TBX20: variants seen among roughly 807,000 people sequenced by gnomAD.
The protein encoded by TBX20 is T-box transcription factor 20, also known as T-box transcription factor TBX20.
Under a neutral mutation model 42.9 loss-of-function variants are expected in TBX20, and 8 were observed. That is an observed-to-expected ratio of 0.19 (90% CI 0.11 to 0.34). The LOEUF (loss-of-function observed/expected upper bound fraction) is 0.34. TBX20 is among the 10% of genes least tolerant of loss of function. The probability of loss-of-function intolerance (pLI) is 1.00; values close to 1 mark genes in which losing one functional copy is unlikely to be tolerated. For missense variants in TBX20, 411 were observed against 566.0 expected, an observed-to-expected ratio of 0.73 and a Z score of 2.78; for synonymous variants, 198 against 222.8, an observed-to-expected ratio of 0.89 and a Z score of 0.99.
In TBX20 at chr7:35,254,002, G is replaced by C. The variant is rs528352186; in HGVS notation, c.-382C>G. 1.2e-5 allele frequency: 2 copies of C among 173,086 alleles called. No homozygotes were observed. Among genetic ancestry groups the C allele is most frequent in the South Asian group, 1.5e-4 (1 of 6,624 alleles). 10.7% of individuals were successfully genotyped at this position (173,086 alleles called of 1,614,324 possible). On this transcript the variant is annotated 5_prime_UTR_variant, in exon 1 of 8. Coordinates refer to ENST00000408931, the MANE Select transcript of TBX20 (RefSeq NM_001077653.2). ...CGCGTCCTTCCTCCCTCTGGGGCTG[G>C]GGACAGCCGGGATGTCCCAGGCTGA...
Position 35,202,620 on chromosome 7 carries a change from C to A in TBX20, c.1154G>T (p.Gly385Val). 3 of 1,613,876 alleles carry A rather than the reference C, an allele frequency of 1.9e-6. No individual in the cohort carries two copies. The highest frequency in any genetic ancestry group is 3.3e-5 in the Admixed American group (2 of 60,002). ...CAGTCGGCTATATGGTGGCAGAGAA[C>A]CCTGGATGGGGTGAGGAATGGGTGT... is the stretch of plus-strand genomic sequence containing the variant. ...IATPIPHPIQ[G>V]SLPPYSRLGM... Residue 385 changes from glycine (G) to valine (V), a missense_variant, in exon 8 of 8, where the codon GGT becomes GTT. By Grantham distance (109) the Gly-to-Val change is moderately radical. This residue lies in a region of TBX20 where 162 missense variants were observed against 205.4 expected (regional missense o/e 0.79). Transcript: ENST00000408931.
intron 6 of TBX20, among the ~76,000 whole-genome samples, chr7:35,207,452 A>T (rs1476802033): frequency 6.6e-6 from 1 of 152,136 alleles, no homozygotes; most frequent in Non-Finnish European, 1.5e-5. Flanking sequence ...TCTCTTTCCT[A>T]AACAGTTTCT....
chr7:35,211,669 A>C (rs1278564991), intron 6 of TBX20, among the ~76,000 whole-genome samples: 7 of 152,154 alleles, frequency 4.6e-5, no homozygotes, highest in Non-Finnish European at 8.8e-5. Context: ...CTTTTGACTT[A>C]TGATATTTTC....
intron 6 of TBX20, among the ~76,000 whole-genome samples, chr7:35,214,459 T>C (rs1363578564): frequency 6.6e-6 from 1 of 152,172 alleles, no homozygotes; most frequent in East Asian, 1.9e-4. Context: ...ATGAAAACAT[T>C]TTATCATTCA....
At chr7:35,223,867 G>T (rs1480694123) in intron 6 of TBX20, among the ~76,000 whole-genome samples, 2 of 152,136 alleles carry the variant, frequency 1.3e-5, no homozygotes, top group Non-Finnish European at 2.9e-5. Flanking sequence ...AGACAAATGG[G>T]GTCAAGAAAG....
chr7:35,245,231 CTAAT>C (rs1288763943), intron 3 of TBX20, among the ~76,000 whole-genome samples, 174 bp from the exon 4 acceptor site: 1 of 151,832 alleles, frequency 6.6e-6, no homozygotes, highest in Non-Finnish European at 1.5e-5. Flanking sequence ...TGAAAAATGT[CTAAT>C]TATTTCTTCA....
intron 4 of TBX20, among the ~76,000 whole-genome samples, chr7:35,243,735 G>C (rs1790126220): frequency 6.6e-6 from 1 of 151,948 alleles, no homozygotes; most frequent in Non-Finnish European, 1.5e-5. Context: ...TAACCTTAAA[G>C]ATAAAGATCA....
intron 5 of TBX20, among the ~76,000 whole-genome samples, chr7:35,234,640 T>C (rs1038224220): frequency 7.9e-5 from 12 of 152,216 alleles, no homozygotes; most frequent in African/African-American, 2.9e-4. Context: ...GCAAGAATAG[T>C]ACAGGTGCTC....
chr7:35,246,781 T>C (rs982165273), intron 3 of TBX20, among the ~76,000 whole-genome samples: 4 of 152,282 alleles, frequency 2.6e-5, no homozygotes, highest in South Asian at 2.1e-4. Context: ...CTTATGGAGA[T>C]AGATAAGTAG....
At chr7:35,216,269 T>G (rs2907413) in intron 6 of TBX20, among the ~76,000 whole-genome samples, 1 of 151,914 alleles carries the variant, frequency 6.6e-6, no homozygotes, top group Non-Finnish European at 1.5e-5. Flanking sequence ...TGAGAAGGTG[T>G]TGCTCAATAT....
At chr7:35,245,183 A>G (rs957109750) in intron 3 of TBX20, 126 bp from the exon 4 acceptor site, 15 of 675,382 alleles carry the variant, frequency 2.2e-5, no homozygotes, top group African/African-American at 1.1e-4. Flanking sequence ...ATTGCCCTAT[A>G]TACCTCAAAT....
rs567892941 is a variant in TBX20, at chr7:35,224,659, C to T, written c.890+6845G>A. Among the ~76,000 whole-genome samples, 8 of 106,902 alleles carry T rather than the reference C, an allele frequency of 7.5e-5. No individual in the cohort carries two copies. In the East Asian group the frequency reaches 1.3e-3, roughly 18 times the overall value. The allele number at this position is 106,902 out of a possible 152,430, so 70.1% of individuals were successfully genotyped here. On this transcript the variant is annotated intron_variant, in intron 6 of 7. Coordinates refer to ENST00000408931, the MANE Select transcript of TBX20 (RefSeq NM_001077653.2). ...TGCACTCCAGACTGGGCCATAAGAG[C>T]GAAACTCTGTTTCCAAAAAAAAAAA...
At chr7:35,223,329 C>T (rs763451212) in intron 6 of TBX20, among the ~76,000 whole-genome samples, 2 of 152,080 alleles carry the variant, frequency 1.3e-5, no homozygotes, top group Non-Finnish European at 2.9e-5. Context: ...AAGCAATAGC[C>T]AGTCAGATAT....
intron 5 of TBX20, among the ~76,000 whole-genome samples, chr7:35,239,359 TAAC>T (rs1197981013): frequency 6.6e-6 from 1 of 152,046 alleles, no homozygotes; most frequent in African/African-American, 2.4e-5. Flanking sequence ...ACCCAAAACC[TAAC>T]AACATCAAGA....
intron 7 of TBX20, 43 bp downstream of exon 7, chr7:35,204,427 G>A: frequency 2.2e-6 from 3 of 1,361,618 alleles, no homozygotes; most frequent in Non-Finnish European, 3.1e-6. Flanking sequence ...TCCTTTAGGT[G>A]CTCTGCCTCC....
At chr7:35,248,556 G>T in intron 3 of TBX20, 121 bp downstream of exon 3, 1 of 1,094,140 alleles carries the variant, frequency 9.1e-7, no homozygotes, top group Non-Finnish European at 1.4e-6. Context: ...TCCAGGCTTG[G>T]AATGCTCTCT....
rs1790153167 is a variant in TBX20, at chr7:35,245,006, C to G, written c.597G>C (p.Gln199His). 1.9e-6 allele frequency: 3 copies of G among 1,613,888 alleles called. No homozygotes were observed. Among genetic ancestry groups the G allele is most frequent in the African/African-American group, 1.3e-5 (1 of 75,022 alleles). Residue 199 changes from glutamine to histidine, a missense_variant, in exon 4 of 8, where the codon CAG becomes CAC. This residue lies in a region of TBX20 where 121 missense variants were observed against 165.9 expected (regional missense o/e 0.73). Coordinates refer to ENST00000408931, the MANE Select transcript of TBX20 (RefSeq NM_001077653.2). ...GTTTCACCTTTTCAAAAGACACCAT[C>G]TGTTTGAGTAGTTGCTCACCGGTAA... ...SPFTGEQLLK[Q>H]MVSFEKVKLT... is the part of the protein sequence containing the mutation.
intron 6 of TBX20, among the ~76,000 whole-genome samples, chr7:35,213,236 G>A (rs557646677): frequency 3.3e-5 from 5 of 152,258 alleles, no homozygotes; most frequent in Non-Finnish European, 5.9e-5. Flanking sequence ...TGGCCCTTGT[G>A]GCTTTACCTT....
intron 5 of TBX20, among the ~76,000 whole-genome samples, chr7:35,234,878 G>T (rs1363470755): frequency 6.6e-6 from 1 of 152,042 alleles, no homozygotes; most frequent in Non-Finnish European, 1.5e-5. Context: ...CTTTTATGGG[G>T]TATTAATAAT....
Sources: gnomAD v4.1 joint callset for allele counts (sites outside exome capture counted in the v4.1 genomes callset) on GRCh38, gnomAD v4.1.1 for gene constraint, gnomAD v4.1.1 regional missense constraint, MANE v1.5 for transcripts, NCBI Gene and HGNC (gene_info 2026-07-23, HGNC 2026-07-21) for gene names.